Variants in DCDC2C observed in about 807,000 individuals in gnomAD.
DCDC2C encodes doublecortin domain-containing protein 2C.
A neutral mutation model predicts 45.0 loss-of-function variants in DCDC2C; 44 were observed. That is an observed-to-expected ratio of 0.98 (90% CI 0.77 to 1.26). The LOEUF is 1.26. Ranked by LOEUF, DCDC2C falls within the 50% of genes most tolerant of loss-of-function variation. The pLI, the probability that DCDC2C is intolerant of heterozygous loss-of-function variation, is 0.00. For missense variants in DCDC2C, 447 were observed against 468.9 expected (o/e 0.95, Z 0.43); for synonymous variants, 187 against 178.8 (o/e 1.05, Z -0.37).
At chr2:3,771,625 C>T (rs945618387) in intron 8 of DCDC2C, among the ~76,000 whole-genome samples, 5 of 152,188 alleles carry the variant, frequency 3.3e-5, no homozygotes, top group South Asian at 2.1e-4. Context: ...GCCTGTGTGC[C>T]GTTGTCCAAG....
chr2:3,754,459 C>T lies in DCDC2C; in HGVS notation c.684-133C>T, dbSNP rs1466851749. On this transcript the variant is annotated intron_variant, in intron 5 of 10. Transcript: ENST00000399143. ...GCTGGGAAATCATTGTTGCCATGAG[C>T]CGTGTCCTCTGTGGACAGCTTGCTC... 4 of 771,310 alleles carry T rather than the reference C, an allele frequency of 5.2e-6. No individual in the cohort carries two copies. The East Asian group carries it at 8.6e-5, about 17-fold the overall frequency. The allele number at this position is 771,310 out of a possible 1,614,324, so 47.8% of individuals were successfully genotyped here. A position where few individuals can be genotyped will look rare whatever the true frequency, so the allele number is the denominator to read the frequency against.
Position 3,734,582 on chromosome 2 carries a change from T to G in DCDC2C, c.417-7338T>G, listed in dbSNP as rs576351982. On this transcript the variant is annotated intron_variant, in intron 3 of 10. Coordinates refer to ENST00000399143, the MANE Select transcript of DCDC2C (RefSeq NM_001287444.2). This position sits in a 1 kb window ranked among gnomAD's most constrained non-coding sequence, Gnocchi z 4.2. ...CCACAGAGAAATGCTGTGTTCTCATTAAGCAGTGGGGTCTGTAGGGTCTGA... is the reference window on the plus strand; with the variant it reads ...CCACAGAGAAATGCTGTGTTCTCATGAAGCAGTGGGGTCTGTAGGGTCTGA... Among the ~76,000 whole-genome samples the G allele has an allele frequency of 6.6e-6, 1 of 152,144 alleles. No individual in the cohort carries two copies. Among genetic ancestry groups the G allele is most frequent in the Non-Finnish European group, 1.5e-5 (1 of 68,012 alleles).
At chr2:3,800,489 A>G (rs1434247879) in intron 10 of DCDC2C, among the ~76,000 whole-genome samples, 1 of 152,200 alleles carries the variant, frequency 6.6e-6, no homozygotes, top group Non-Finnish European at 1.5e-5. Flanking sequence ...ATTCTGGGAG[A>G]ATGCCTGCCA....
At chr2:3,724,805 A>G (rs1331954116) in intron 2 of DCDC2C, among the ~76,000 whole-genome samples, 2 of 152,076 alleles carry the variant, frequency 1.3e-5, no homozygotes, top group Non-Finnish European at 2.9e-5. Flanking sequence ...TTGGCCTGAC[A>G]TTGGTGTGGG....
intron 2 of DCDC2C, among the ~76,000 whole-genome samples, chr2:3,720,893 C>T (rs912009048): frequency 1.3e-5 from 2 of 151,992 alleles, no homozygotes; most frequent in Admixed American, 6.6e-5. Context: ...CTGGGCCTAG[C>T]GTTGTCTTTG....
chr2:3,799,690 G>T (rs1302485424), intron 10 of DCDC2C, among the ~76,000 whole-genome samples: 1 of 152,234 alleles, frequency 6.6e-6, no homozygotes. Flanking sequence ...GGGGGTCAGG[G>T]GTCAGGGACC....
chr2:3,767,644 A>G, intron 6 of DCDC2C, 110 bp from the exon 7 acceptor site: 6 of 1,281,798 alleles, frequency 4.7e-6, no homozygotes, highest in Non-Finnish European at 5.3e-6. Context: ...GTTTCCTCCT[A>G]CTGTTTCTCT....
intron 2 of DCDC2C, among the ~76,000 whole-genome samples, chr2:3,725,180 A>G (rs1263594702): frequency 6.6e-6 from 1 of 151,978 alleles, no homozygotes; most frequent in Non-Finnish European, 1.5e-5. Context: ...ACACCAAATG[A>G]ATTTGGCTTA....
intron 10 of DCDC2C, among the ~76,000 whole-genome samples, chr2:3,831,196 A>G (rs566367659): frequency 2.4e-4 from 37 of 152,234 alleles, no homozygotes; most frequent in African/African-American, 7.9e-4. Context: ...AATGATCCTA[A>G]AGAAGTTGTC....
In DCDC2C at chr2:3,818,756, G is replaced by A. The variant is rs1479419298; in HGVS notation, c.1066-28398G>A. Among the ~76,000 whole-genome samples, 2 of 152,032 alleles carry A rather than the reference G, an allele frequency of 1.3e-5. No homozygotes were observed. The highest frequency in any genetic ancestry group is 4.8e-5 in the African/African-American group (2 of 41,370). On this transcript the variant is annotated intron_variant, in intron 10 of 10. Transcript: ENST00000399143. This position sits in a 1 kb window ranked among gnomAD's most constrained non-coding sequence, Gnocchi z 4.7. Reference sequence around the variant, plus strand: ...GAGGTGTCTTATACTTGTGGATTAAGGTGGGGAGATACAAGGGGAGAATGT... The same window carrying A: ...GAGGTGTCTTATACTTGTGGATTAAAGTGGGGAGATACAAGGGGAGAATGT...
chr2:3,760,791 C>A (rs1037636534), intron 6 of DCDC2C, among the ~76,000 whole-genome samples: 3 of 151,906 alleles, frequency 2.0e-5, no homozygotes, highest in Non-Finnish European at 2.9e-5. Context: ...CACATGTATA[C>A]CCATGTAACA....
intron 10 of DCDC2C, among the ~76,000 whole-genome samples, chr2:3,794,201 A>C (rs539707777): frequency 1.3e-5 from 2 of 152,354 alleles, no homozygotes; most frequent in Non-Finnish European, 2.9e-5. Flanking sequence ...GCAAATGTTC[A>C]ATGAGTTATG....
chr2:3,751,125 T>G (rs1447520040), intron 4 of DCDC2C, among the ~76,000 whole-genome samples: 1 of 152,252 alleles, frequency 6.6e-6, no homozygotes, highest in Non-Finnish European at 1.5e-5. Flanking sequence ...ATGGCATTTT[T>G]CATATTTGTA....
intron 3 of DCDC2C, among the ~76,000 whole-genome samples, chr2:3,738,484 G>A (rs116049273): frequency 0.012 from 1,455 of 123,800 alleles, 20 homozygotes; most frequent in African/African-American, 0.042. Flanking sequence ...TATATGATGA[G>A]ATATATTCAG....
In DCDC2C at chr2:3,809,689, T is replaced by A. The variant is rs185389414; in HGVS notation, c.1065+24589T>A. On this transcript the variant is annotated intron_variant, in intron 10 of 10. Coordinates refer to ENST00000399143, the MANE Select transcript of DCDC2C (RefSeq NM_001287444.2). ...TGCAGGTTTGTTACACAGGTATACA[T>A]GTGCCATGGTGGTCTGCTGCACCTA... Among the ~76,000 whole-genome samples the A allele has an allele frequency of 4.2e-4, 64 of 152,260 alleles. No individual in the cohort carries two copies. The Middle Eastern group carries it at 0.01, about 24-fold the overall frequency.
At chr2:3,744,079 T>C (rs1483331539) in intron 4 of DCDC2C, among the ~76,000 whole-genome samples, 1 of 151,578 alleles carries the variant, frequency 6.6e-6, no homozygotes, top group Admixed American at 6.6e-5. Context: ...GGGAGGGACA[T>C]GGAATGGGAG....
At chr2:3,740,163 C>G (rs1199667925) in intron 3 of DCDC2C, among the ~76,000 whole-genome samples, 2 of 152,362 alleles carry the variant, frequency 1.3e-5, no homozygotes, top group South Asian at 2.1e-4. Flanking sequence ...ATTCTGCATA[C>G]ACAATTTTTA....
At chr2:3,788,936 G>A (rs1187247605) in intron 10 of DCDC2C, among the ~76,000 whole-genome samples, 2 of 143,940 alleles carry the variant, frequency 1.4e-5, no homozygotes, top group African/African-American at 2.5e-5. Flanking sequence ...CGCCTCCCAC[G>A]TTCAAAAGAT....
chr2:3,742,040 C>G lies in DCDC2C; in HGVS notation c.537C>G (p.Gly179=), dbSNP rs773988426. 6.5e-7 allele frequency: 1 copy of G among 1,540,304 alleles called. No individual in the cohort carries two copies. Among genetic ancestry groups the G allele is most frequent in the East Asian group, 2.5e-5 (1 of 40,728 alleles). Residue 179 remains glycine, a synonymous_variant, in exon 4 of 11, where the codon GGC becomes GGG. Transcript: ENST00000399143. ...GAGAAAAAGTCTTCCCTCTAGGAGG[C>G]GTTCGGAAGTAAGGAGACTCTCGCC... ...TIGEKVFPLG[G]VRKLFTMNGH... is the part of the protein sequence containing the mutation.
Sources: gnomAD v4.1 joint callset for allele counts (sites outside exome capture counted in the v4.1 genomes callset) on GRCh38, gnomAD v4.1.1 for gene constraint, Gnocchi (gnomAD v3.1) non-coding constraint, MANE v1.5 for transcripts, NCBI Gene and HGNC (gene_info 2026-07-23, HGNC 2026-07-21) for gene names.